ERBB4: variants seen among roughly 807,000 people sequenced by gnomAD.
ERBB4 encodes receptor tyrosine-protein kinase erbB-4.
Under a neutral mutation model 158.0 loss-of-function variants are expected in ERBB4, and 42 were observed. The observed-to-expected ratio is 0.27, with a 90% confidence interval of 0.21 to 0.34. The LOEUF is 0.34. Ranked by LOEUF, ERBB4 falls within the 10% of genes least tolerant of loss-of-function variation. The pLI, the probability that ERBB4 is intolerant of heterozygous loss-of-function variation, is 1.00. For synonymous variants in ERBB4, 583 were observed against 558.7 expected, an observed-to-expected ratio of 1.04 and a Z score of -0.61; for missense variants, 1,333 against 1,624.1, an observed-to-expected ratio of 0.82 and a Z score of 3.08.
At chr2:211,708,215 C>A (rs568429181) in intron 9 of ERBB4, among the ~76,000 whole-genome samples, 1 of 152,144 alleles carries the variant, frequency 6.6e-6, no homozygotes, top group South Asian at 2.1e-4. Flanking sequence ...TAAGATGAAA[C>A]AGAAAGGCTT....
At chr2:211,475,243 G>A (rs1403959317) in intron 20 of ERBB4, among the ~76,000 whole-genome samples, 1 of 152,046 alleles carries the variant, frequency 6.6e-6, no homozygotes, top group East Asian at 1.9e-4. Flanking sequence ...AGAGGGATAA[G>A]TTACAACTAA....
intron 21 of ERBB4, among the ~76,000 whole-genome samples, chr2:211,429,541 T>G (rs547627068): frequency 1.5e-3 from 224 of 152,312 alleles, no homozygotes; most frequent in African/African-American, 5.1e-3. Flanking sequence ...AGAATGAGTT[T>G]CAACTATGAA....
chr2:211,796,674 C>T (rs1180992014), intron 3 of ERBB4, among the ~76,000 whole-genome samples: 2 of 151,818 alleles, frequency 1.3e-5, no homozygotes, highest in African/African-American at 4.8e-5. Flanking sequence ...ATTTGCACTT[C>T]CCTAGTGACT....
At chr2:212,345,434 T>G (rs1402378206) in intron 1 of ERBB4, among the ~76,000 whole-genome samples, 1 of 152,036 alleles carries the variant, frequency 6.6e-6, no homozygotes, top group Admixed American at 6.6e-5. Context: ...GGAGACATAC[T>G]TGGCTGTCAC....
At chr2:212,236,479 A>G (rs541259560) in intron 1 of ERBB4, among the ~76,000 whole-genome samples, 4 of 152,342 alleles carry the variant, frequency 2.6e-5, no homozygotes, top group African/African-American at 9.6e-5. Flanking sequence ...TGCTGGCCTC[A>G]TAAAATCAAT....
At chr2:212,072,547 A>T (rs1472406643) in intron 2 of ERBB4, among the ~76,000 whole-genome samples, 1 of 152,014 alleles carries the variant, frequency 6.6e-6, no homozygotes, top group African/African-American at 2.4e-5. Context: ...CTGGAGAAAG[A>T]TGTATACTTG....
intron 9 of ERBB4, among the ~76,000 whole-genome samples, chr2:211,709,923 T>G (rs1313582854): frequency 6.6e-6 from 1 of 152,200 alleles, no homozygotes; most frequent in African/African-American, 2.4e-5. Flanking sequence ...CTCTGCTTTT[T>G]ATTTCCTGGT....
chr2:211,690,985 CT>C (rs1203051659), intron 12 of ERBB4, among the ~76,000 whole-genome samples: 1 of 151,708 alleles, frequency 6.6e-6, no homozygotes, highest in Non-Finnish European at 1.5e-5. Context: ...GTATTTTGAC[CT>C]TTACCGAGAA....
At chr2:212,049,660 T>G (rs1012467002) in intron 2 of ERBB4, among the ~76,000 whole-genome samples, 1 of 152,102 alleles carries the variant, frequency 6.6e-6, no homozygotes, top group Admixed American at 6.6e-5. Context: ...AGAATACCAG[T>G]TGGTTGTTGA....
At chr2:211,580,885 AT>A (rs2068078770) in intron 19 of ERBB4, among the ~76,000 whole-genome samples, 1 of 1,000 alleles carries the variant, frequency 1.0e-3, no homozygotes, top group African/African-American at 4.2e-3. Flanking sequence ...ATATATATAT[AT>A]ATATATATAT....
rs1442839466 is a variant in ERBB4, at chr2:212,505,418, G to C, written c.82+33031C>G. Among the ~76,000 whole-genome samples the C allele has an allele frequency of 1.1e-4, 14 of 124,200 alleles. 4 individuals are homozygous for C. The highest frequency in any genetic ancestry group is 2.2e-4 in the Non-Finnish European group (11 of 49,338). The allele number at this position is 124,200 out of a possible 152,430, so 81.5% of individuals were successfully genotyped here. A position where few individuals can be genotyped will look rare whatever the true frequency, so the allele number is the denominator to read the frequency against. On this transcript the variant is annotated intron_variant, in intron 1 of 27. Transcript: ENST00000342788. Reference sequence around the variant, plus strand: ...GGCCTGTTTCTCACTCTTGAAGAGAGTGAGTATTAAACATCAAGTGAGGAC... The same window carrying C: ...GGCCTGTTTCTCACTCTTGAAGAGACTGAGTATTAAACATCAAGTGAGGAC...
intron 3 of ERBB4, among the ~76,000 whole-genome samples, chr2:211,793,615 C>T (rs185331357): frequency 1.4e-4 from 21 of 152,006 alleles, no homozygotes; most frequent in African/African-American, 5.1e-4. Flanking sequence ...CACCTTAAGC[C>T]ACACAAGTCT....
chr2:212,178,312 T>C (rs893387111), intron 1 of ERBB4, among the ~76,000 whole-genome samples: 15 of 151,460 alleles, frequency 9.9e-5, no homozygotes, highest in Admixed American at 5.3e-4. Context: ...GGAAAAGCAA[T>C]TAAGAGGACA....
intron 1 of ERBB4, among the ~76,000 whole-genome samples, chr2:212,470,975 G>A (rs1055920714): frequency 2.0e-5 from 3 of 151,996 alleles, no homozygotes; most frequent in Admixed American, 1.3e-4. Context: ...TAACCTAGAT[G>A]CTTTATAAAG....
rs71054188 is a variant in ERBB4, at chr2:212,240,637, C to CAAAAAAAAAAAAAAAAAAAAAAA, written c.83-115757_83-115735dup. Among the ~76,000 whole-genome samples the CAAAAAAAAAAAAAAAAAAAAAAA allele has an allele frequency of 5.3e-4, 19 of 35,796 alleles. 1 individual carries two copies. Among genetic ancestry groups the CAAAAAAAAAAAAAAAAAAAAAAA allele is most frequent in the African/African-American group, 8.6e-4 (8 of 9,326 alleles). The allele number at this position is 35,796 out of a possible 152,430, so 23.5% of individuals were successfully genotyped here. On this transcript the variant is annotated intron_variant, in intron 1 of 27. Coordinates refer to ENST00000342788, the MANE Select transcript of ERBB4 (RefSeq NM_005235.3). ...TGGGCAACAGAGCGACACTCTGGCT[C>CAAAAAAAAAAAAAAAAAAAAAAA]AAAAAAAAAAAAAAAAAAAAAAAAA... is the stretch of plus-strand genomic sequence containing the variant.
intron 5 of ERBB4, among the ~76,000 whole-genome samples, chr2:211,728,407 T>G (rs1452638801): frequency 6.6e-6 from 1 of 151,638 alleles, no homozygotes; most frequent in Non-Finnish European, 1.5e-5. Flanking sequence ...ATGTCATACA[T>G]TATGCTTATA....
At position 212,012,268 on chromosome 2, in the gene ERBB4, T is replaced by C. The variant is rs181855163; in HGVS notation, c.235-64652A>G. Among the ~76,000 whole-genome samples the C allele has an allele frequency of 1.8e-3, 275 of 152,252 alleles. 3 individuals are homozygous for C. The highest frequency in any genetic ancestry group is 2.0e-3 in the Non-Finnish European group (136 of 68,026). On this transcript the variant is annotated intron_variant, in intron 2 of 27. Transcript: ENST00000342788. ...ATCCTGTACATTTTTCCCTCAAACA[T>C]GGAATCAGCCACACTTCCAAAAAGT... is the stretch of plus-strand genomic sequence containing the variant.
At chr2:212,039,904 T>G (rs2125369315) in intron 2 of ERBB4, among the ~76,000 whole-genome samples, 1 of 152,238 alleles carries the variant, frequency 6.6e-6, no homozygotes, top group East Asian at 1.9e-4. Flanking sequence ...AACCATAGTC[T>G]CTTGTTTTTA....
At chr2:212,142,099 A>G (rs1209229647) in intron 1 of ERBB4, among the ~76,000 whole-genome samples, 1 of 152,182 alleles carries the variant, frequency 6.6e-6, no homozygotes, top group African/African-American at 2.4e-5. Flanking sequence ...AAAAGTTTCA[A>G]AATGCTGATT....
Sources: gnomAD v4.1 joint callset for allele counts (sites outside exome capture counted in the v4.1 genomes callset) on GRCh38, gnomAD v4.1.1 for gene constraint, MANE v1.5 for transcripts, NCBI Gene and HGNC (gene_info 2026-07-23, HGNC 2026-07-21) for gene names.